Variants in STK25 observed in about 807,000 individuals in gnomAD.
The protein encoded by STK25 is serine/threonine-protein kinase 25.
Under a neutral mutation model 53.8 loss-of-function variants are expected in STK25, and 29 were observed. That is an observed-to-expected ratio of 0.54 (90% CI 0.40 to 0.74). The LOEUF is 0.74. Ranked by LOEUF, STK25 falls within the 30% of genes least tolerant of loss-of-function variation. The pLI is 0.00. For synonymous variants in STK25, 247 were observed against 238.3 expected, an observed-to-expected ratio of 1.04 and a Z score of -0.33; for missense variants, 420 against 568.0, an observed-to-expected ratio of 0.74 and a Z score of 2.65.
Position 241,492,837 on chromosome 2 carries a change from G to A in STK25, c.*2825C>T. On this transcript the variant is annotated 3_prime_UTR_variant, in exon 12 of 12. Coordinates refer to ENST00000316586, the MANE Select transcript of STK25 (RefSeq NM_001271977.2). Reference sequence around the variant, plus strand: ...AAAACCAAGGCCTCAGCTGGAGAAAGCATGCAGAGGCTTAGTCTTGGGGAG... The same window carrying A: ...AAAACCAAGGCCTCAGCTGGAGAAAACATGCAGAGGCTTAGTCTTGGGGAG... 1.4e-6 allele frequency: 1 copy of A among 727,874 alleles called. No individual in the cohort carries two copies. The highest frequency in any genetic ancestry group is 2.5e-6 in the Non-Finnish European group (1 of 405,166). 45.1% of individuals were successfully genotyped at this position (727,874 alleles called of 1,614,324 possible).
chr2:241,498,409 T>C, intron 8 of STK25, 60 bp from the exon 9 acceptor site: 1 of 1,456,266 alleles, frequency 6.9e-7, no homozygotes, highest in Non-Finnish European at 9.4e-7. Flanking sequence ...CATGAGGGCC[T>C]CAGGGCACAC....
intron 2 of STK25, among the ~76,000 whole-genome samples, chr2:241,505,264 G>C (rs531529142): frequency 2.0e-5 from 3 of 151,834 alleles, no homozygotes; most frequent in Non-Finnish European, 4.4e-5. Flanking sequence ...ACGCTTACTC[G>C]GGGCCCTGGG....
intron 5 of STK25, 115 bp downstream of exon 5, chr2:241,500,058 T>C (rs1024135965): frequency 1.2e-5 from 10 of 840,380 alleles, no homozygotes; most frequent in African/African-American, 1.0e-4. Flanking sequence ...GCCACAAGGT[T>C]CTCTATACTC....
At chr2:241,507,622 C>A (rs1205403044) in intron 2 of STK25, among the ~76,000 whole-genome samples, 1 of 152,228 alleles carries the variant, frequency 6.6e-6, no homozygotes, top group East Asian at 1.9e-4. Flanking sequence ...TGACCCGCGG[C>A]CCAGGCCGAG....
At position 241,493,474 on chromosome 2, in the gene STK25, C is replaced by T; in HGVS notation, c.*2188G>A. On this transcript the variant is annotated 3_prime_UTR_variant, in exon 12 of 12. Transcript: ENST00000316586. ...TTTTGCAGGAGGCAGCCCTGGTCAG[C>T]TGCCCATTTCGATGTCCGCTCAGCT... The T allele has an allele frequency of 6.2e-7, 1 of 1,608,594 alleles. No homozygotes were observed. The highest frequency in any genetic ancestry group is 8.5e-7 in the Non-Finnish European group (1 of 1,175,646).
chr2:241,504,349 A>C (rs2065693903), intron 2 of STK25, among the ~76,000 whole-genome samples: 1 of 152,154 alleles, frequency 6.6e-6, no homozygotes, highest in Non-Finnish European at 1.5e-5. Flanking sequence ...CCCATGGAGG[A>C]AACAGCAGGG....
Position 241,498,776 on chromosome 2 carries a change from C to A in STK25, c.780G>T (p.Thr260=). Residue 260 remains threonine, a synonymous_variant, in exon 8 of 12, where the codon ACG becomes ACT. Transcript: ENST00000316586. ...ACTTGTGCTTCAGGAGCTCCTTGGC[C>A]GTGGGCCGCTGCAGGGGGTCAGGGG... ...CLNKDPRFRP[T]AKELLKHKFI... is the part of the protein sequence containing the mutation. The A allele has an allele frequency of 6.2e-7, 1 of 1,613,974 alleles. No homozygotes were observed. Among genetic ancestry groups the A allele is most frequent in the Non-Finnish European group, 8.5e-7 (1 of 1,179,964 alleles).
upstream of STK25, chr2:241,508,788 A>T (rs1302248062): frequency 1.0e-6 from 1 of 979,112 alleles, no homozygotes; most frequent in African/African-American, 1.8e-5. Flanking sequence ...AAAGGTTTGG[A>T]CTGCGTCTCC....
chr2:241,495,678 A>G lies in STK25; in HGVS notation c.1265T>C (p.Leu422Pro). The G allele has an allele frequency of 6.2e-7, 1 of 1,614,184 alleles. No homozygotes were observed. Among genetic ancestry groups the G allele is most frequent in the Non-Finnish European group, 8.5e-7 (1 of 1,180,000 alleles). The change falls in exon 12 of 12, where the codon CTG becomes CCG. Residue 422 changes from leucine to proline, a missense_variant. Coordinates refer to ENST00000316586, the MANE Select transcript of STK25 (RefSeq NM_001271977.2). ...VQRFSHNRNH[L>P]TSTR ...CAGTGCGCTTCAGCGGGTGGATGTC[A>G]GGTGGTTTCTGTTGTGTGAAAACCT...
chr2:241,507,196 G>C (rs1296640962), intron 2 of STK25, among the ~76,000 whole-genome samples: 1 of 152,226 alleles, frequency 6.6e-6, no homozygotes, highest in Non-Finnish European at 1.5e-5. Flanking sequence ...CCAGCGGCCA[G>C]AGTCAAAAAA....
At position 241,493,554 on chromosome 2, in the gene STK25, G is replaced by A. The variant is rs2065009855; in HGVS notation, c.*2108C>T. On this transcript the variant is annotated 3_prime_UTR_variant, in exon 12 of 12. Transcript: ENST00000316586. ...GTTTTCTGGGCCCTGGAAAGGAAGG[G>A]CTGAGCAATGCTTCCAGCATTTCCA... 1 of 940,104 alleles carries A rather than the reference G, an allele frequency of 1.1e-6. No individual in the cohort carries two copies. The highest frequency in any genetic ancestry group is 1.6e-6 in the Non-Finnish European group (1 of 606,246). 58.2% of individuals were successfully genotyped at this position (940,104 alleles called of 1,614,324 possible). A position where few individuals can be genotyped will look rare whatever the true frequency, so the allele number is the denominator to read the frequency against.
rs774307518 is a variant in STK25 at position 241,508,010 on chromosome 2, T to C, written c.26A>G (p.Asn9Ser). 1.6e-5 allele frequency: 26 copies of C among 1,603,390 alleles called. No individual in the cohort carries two copies. The East Asian group carries it at 5.0e-4, about 31-fold the overall frequency. MAHLRGFANQHSRVDPEEL... is the reference protein window; with the variant it reads MAHLRGFASQHSRVDPEEL... ...CCTGACCTGCACCCTTCTCACCTGG[T>C]TGGCAAATCCCCGGAGGTGAGCCAT... is the stretch of plus-strand genomic sequence containing the variant. Residue 9 changes from asparagine (N) to serine (S), a missense_variant, in exon 2 of 12, where the codon AAC (asparagine) becomes AGC (serine). Physicochemically the swap from Asn to Ser is conservative, Grantham distance 46. Coordinates refer to ENST00000316586, the MANE Select transcript of STK25 (RefSeq NM_001271977.2).
At chr2:241,500,329 CA>C (rs1358629148) in intron 4 of STK25, 48 bp from the exon 5 acceptor site, 1 of 1,375,166 alleles carries the variant, frequency 7.3e-7, no homozygotes, top group East Asian at 2.3e-5. Flanking sequence ...GTCCCAGGCC[CA>C]ATGCCTGAGT....
Position 241,499,166 on chromosome 2 carries a change from G to A in STK25, c.594C>T (p.Ile198=), listed in dbSNP as rs1467020381. 6 of 1,613,752 alleles carry A rather than the reference G, an allele frequency of 3.7e-6. No individual in the cohort carries two copies. The highest frequency in any genetic ancestry group is 5.1e-6 in the Non-Finnish European group (6 of 1,179,858). Residue 198 remains isoleucine (I), a synonymous_variant, in exon 7 of 12, where the codon ATC becomes ATT. Coordinates refer to ENST00000316586, the MANE Select transcript of STK25 (RefSeq NM_001271977.2). ...KQSAYDFKAD[I]WSLGITAIEL... ...CGATGGCTGTGATCCCCAGGGACCA[G>A]ATGTCAGCCTGGACAGAACACAAGG...
At chr2:241,498,114 T>C in intron 9 of STK25, 121 bp downstream of exon 9, 2 of 939,088 alleles carry the variant, frequency 2.1e-6, no homozygotes, top group Non-Finnish European at 3.4e-6. Context: ...AGACCACCCC[T>C]GCCTTTCCCA....
intron 2 of STK25, among the ~76,000 whole-genome samples, chr2:241,505,690 C>T (rs1172649395): frequency 6.6e-6 from 1 of 152,208 alleles, no homozygotes; most frequent in African/African-American, 2.4e-5. Context: ...CAGCGGACCC[C>T]TAAGCCAGAG....
chr2:241,498,822 G>A (rs2065335836), intron 7 of STK25, 38 bp from the exon 8 acceptor site: 1 of 1,612,224 alleles, frequency 6.2e-7, no homozygotes, highest in Non-Finnish European at 8.5e-7. Context: ...ACTGGGCCCA[G>A]CCAAGCTCTG....
chr2:241,505,064 C>A (rs1183298667), intron 2 of STK25, among the ~76,000 whole-genome samples: 1 of 150,400 alleles, frequency 6.6e-6, no homozygotes, highest in African/African-American at 2.5e-5. Context: ...TTACAGGCAC[C>A]CGCCATCATG....
intron 2 of STK25, among the ~76,000 whole-genome samples, chr2:241,507,701 G>A (rs1180488344): frequency 6.6e-6 from 1 of 152,242 alleles, no homozygotes; most frequent in Non-Finnish European, 1.5e-5. Context: ...CCGCGCTGGG[G>A]GCAGCGCCCC....
Sources: allele counts gnomAD v4.1 joint callset (sites outside exome capture counted in the v4.1 genomes callset), GRCh38; gene constraint gnomAD v4.1.1; transcripts MANE v1.5; gene names NCBI Gene and HGNC (gene_info 2026-07-23, HGNC 2026-07-21).